Variants in VAT1L observed in about 807,000 individuals in gnomAD.
The protein encoded by VAT1L is vesicle amine transport 1 like.
In VAT1L, 34 loss-of-function variants were observed where a neutral mutation model predicts 44.1. The ratio of observed to expected loss-of-function variants is 0.77; its 90% CI spans 0.59 to 1.03. The LOEUF (loss-of-function observed/expected upper bound fraction) is 1.03, where lower values mean the gene tolerates loss of function less well. Among genes scored for constraint, VAT1L ranks in the 50% least tolerant of loss-of-function variants. VAT1L has a pLI of 0.00. For synonymous variants in VAT1L, 253 were observed against 202.2 expected (o/e 1.25, Z -2.13); for missense variants, 615 against 538.8 (o/e 1.14, Z -1.40).
intron 6 of VAT1L, among the ~76,000 whole-genome samples, chr16:77,881,649 G>A (rs1167517523): frequency 6.6e-6 from 1 of 152,218 alleles, no homozygotes; most frequent in Non-Finnish European, 1.5e-5. Context: ...CCCTGCATTT[G>A]TGAGATTCAA....
intron 1 of VAT1L, among the ~76,000 whole-genome samples, chr16:77,793,082 C>T (rs1336885889): frequency 6.6e-6 from 1 of 152,016 alleles, no homozygotes; most frequent in Non-Finnish European, 1.5e-5. Flanking sequence ...TTTTGGTTGC[C>T]ATAGATACTT....
chr16:77,968,453 C>T (rs12447603), intron 7 of VAT1L, among the ~76,000 whole-genome samples: 19,806 of 152,194 alleles, frequency 0.13, 1,535 homozygotes, highest in East Asian at 0.31. Flanking sequence ...GGGCTGGGCG[C>T]GGTGGCTCAC....
intron 7 of VAT1L, among the ~76,000 whole-genome samples, chr16:77,968,920 G>C (rs1435978368): frequency 2.6e-5 from 4 of 152,056 alleles, no homozygotes; most frequent in Non-Finnish European, 5.9e-5. Context: ...CCGGGTTCAA[G>C]CAATTCTCCT....
chr16:77,955,724 C>T (rs945748030), intron 7 of VAT1L, among the ~76,000 whole-genome samples: 7 of 123,180 alleles, frequency 5.7e-5, no homozygotes, highest in Non-Finnish European at 1.2e-4. Flanking sequence ...CCATATCCCC[C>T]CCCCCAAAAA....
chr16:77,832,619 C>T (rs2016592286), intron 3 of VAT1L, among the ~76,000 whole-genome samples: 1 of 152,186 alleles, frequency 6.6e-6, no homozygotes, highest in African/African-American at 2.4e-5. Flanking sequence ...GACCATAGAC[C>T]TTGGAAAGGA....
chr16:77,855,201 A>C (rs972523120), intron 3 of VAT1L, among the ~76,000 whole-genome samples: 3 of 152,066 alleles, frequency 2.0e-5, no homozygotes, highest in African/African-American at 7.2e-5. Context: ...TTAGCTGGGC[A>C]TGGTGCCACG....
chr16:77,855,207 C>T lies in VAT1L; in HGVS notation c.580-7541C>T, dbSNP rs556947338. On this transcript the variant is annotated intron_variant, in intron 3 of 8. Transcript: ENST00000302536. Reference sequence around the variant, plus strand: ...ATACAAAAATTAGCTGGGCATGGTGCCACGTGCCTGCAGTCCCAGCTACTC... The same window carrying T: ...ATACAAAAATTAGCTGGGCATGGTGTCACGTGCCTGCAGTCCCAGCTACTC... 1.2e-4 allele frequency among the ~76,000 whole-genome samples: 18 copies of T among 151,974 alleles called. No individual in the cohort carries two copies. In the South Asian group the frequency reaches 3.3e-3, roughly 28 times the overall value.
chr16:77,947,862 C>T (rs1489402647), intron 7 of VAT1L, among the ~76,000 whole-genome samples: 1 of 152,136 alleles, frequency 6.6e-6, no homozygotes, highest in African/African-American at 2.4e-5. Flanking sequence ...CAGATTCTAG[C>T]GATTCTCCTG....
rs377128270 is a variant in VAT1L, at chr16:77,876,394, C to T, written c.747C>T (p.Ile249=). ...GAATCTCTGCTGAAGGTGTGGACAT[C>T]GTTTTGGATTGCCTCTGTGGGGACA... The part of the protein sequence containing the change: ...VKRISAEGVD[I]VLDCLCGDNT... The change falls in exon 5 of 9, where the codon ATC becomes ATT. Residue 249 remains isoleucine, a synonymous_variant. Coordinates refer to ENST00000302536, the MANE Select transcript of VAT1L (RefSeq NM_020927.3). 9.3e-6 allele frequency: 15 copies of T among 1,614,088 alleles called. No homozygotes were observed. In the African/African-American group the frequency reaches 1.3e-4, roughly 14 times the overall value.
At chr16:77,810,827 A>G (rs1194843747) in intron 1 of VAT1L, among the ~76,000 whole-genome samples, 1 of 152,224 alleles carries the variant, frequency 6.6e-6, no homozygotes, top group Non-Finnish European at 1.5e-5. Context: ...TTGAGGAAAA[A>G]GTACTGTCTT....
Position 77,874,839 on chromosome 16 carries a change from TAAAAAAAAAAAA to T in VAT1L, c.723-1518_723-1507del, listed in dbSNP as rs769810512. ...AATATTTAATGAACAAATTAATTTGTAAAAAAAAAAAAAAAAAAAAAAAAGCCAGTCTGGCTC... is the reference window on the plus strand; with the variant it reads ...AATATTTAATGAACAAATTAATTTGTAAAAAAAAAAAAGCCAGTCTGGCTC... On this transcript the variant is annotated intron_variant, in intron 4 of 8. Coordinates refer to ENST00000302536, the MANE Select transcript of VAT1L (RefSeq NM_020927.3). 1.1e-4 allele frequency among the ~76,000 whole-genome samples: 10 copies of T among 87,718 alleles called. 1 individual carries two copies. Among genetic ancestry groups the T allele is most frequent in the Admixed American group, 7.5e-4 (6 of 7,952 alleles). The allele number at this position is 87,718 out of a possible 152,430, so 57.5% of individuals were successfully genotyped here.
chr16:77,803,709 A>G (rs997947976), intron 1 of VAT1L, among the ~76,000 whole-genome samples: 1 of 152,094 alleles, frequency 6.6e-6, no homozygotes, highest in African/African-American at 2.4e-5. Flanking sequence ...GTGAACCACC[A>G]TGCCTGGCTA....
intron 7 of VAT1L, among the ~76,000 whole-genome samples, chr16:77,944,858 GAA>G (rs1194629226): frequency 2.6e-5 from 4 of 152,072 alleles, no homozygotes; most frequent in African/African-American, 7.2e-5. Flanking sequence ...GGCAAGAAAG[GAA>G]AAGAGTCCAA....
intron 7 of VAT1L, among the ~76,000 whole-genome samples, chr16:77,964,062 C>G (rs929581435): frequency 6.6e-6 from 1 of 152,038 alleles, no homozygotes; most frequent in African/African-American, 2.4e-5. Context: ...TATTTTTCTC[C>G]ACCACTCTGG....
chr16:77,852,324 T>C (rs1046409193), intron 3 of VAT1L, among the ~76,000 whole-genome samples: 3 of 152,174 alleles, frequency 2.0e-5, no homozygotes, highest in Non-Finnish European at 4.4e-5. Flanking sequence ...CTCCCACCCT[T>C]GATCCTGAAG....
At chr16:77,923,619 C>G (rs938201575) in intron 7 of VAT1L, among the ~76,000 whole-genome samples, 17 of 152,286 alleles carry the variant, frequency 1.1e-4, no homozygotes, top group South Asian at 6.2e-4. Flanking sequence ...CAGAAGCCAG[C>G]CTCCTGCCTA....
chr16:77,948,938 A>G (rs1265097331), intron 7 of VAT1L, among the ~76,000 whole-genome samples: 1 of 152,172 alleles, frequency 6.6e-6, no homozygotes, highest in African/African-American at 2.4e-5. Flanking sequence ...CTGGTGTGCT[A>G]AGGGGTCGGT....
At chr16:77,817,866 A>T (rs2145237257) in intron 2 of VAT1L, among the ~76,000 whole-genome samples, 2 of 152,274 alleles carry the variant, frequency 1.3e-5, no homozygotes, top group Middle Eastern at 6.8e-3. Flanking sequence ...AAGGGCTCTT[A>T]CTCATAACTA....
At chr16:77,934,560 C>T (rs1021960541) in intron 7 of VAT1L, among the ~76,000 whole-genome samples, 3 of 152,150 alleles carry the variant, frequency 2.0e-5, no homozygotes, top group Non-Finnish European at 2.9e-5. Context: ...GGATTTCTGA[C>T]CTCTAGAACT....
Sources: allele counts gnomAD v4.1 joint callset (sites outside exome capture counted in the v4.1 genomes callset), GRCh38; gene constraint gnomAD v4.1.1; transcripts MANE v1.5; gene names NCBI Gene and HGNC (gene_info 2026-07-23, HGNC 2026-07-21).